The following MGAT5B variants were observed in gnomAD, a reference collection of about 807,000 sequenced individuals.
MGAT5B encodes N-acetylglucosaminyl-transferase Vb.
MGAT5B carries 54 observed loss-of-function variants against 95.1 expected under a neutral mutation model. That is an observed-to-expected ratio of 0.57 (90% CI 0.46 to 0.71). MGAT5B has a LOEUF of 0.71. MGAT5B is among the 30% of genes least tolerant of loss of function. The pLI, the probability that MGAT5B is intolerant of heterozygous loss-of-function variation, is 0.00. For missense variants in MGAT5B, 935 were observed against 1,088.6 expected, an observed-to-expected ratio of 0.86 and a Z score of 1.99; for synonymous variants, 464 against 451.0, an observed-to-expected ratio of 1.03 and a Z score of -0.36.
chr17:76,942,893 A>C (rs1407898259), intron 15 of MGAT5B, among the ~76,000 whole-genome samples: 1 of 152,026 alleles, frequency 6.6e-6, no homozygotes, highest in African/African-American at 2.4e-5. Context: ...ATCCTCTAAG[A>C]CTTCTCCTGC....
At chr17:76,872,771 T>G in intron 1 of MGAT5B, 80 bp from the exon 2 acceptor site, 1 of 1,612,282 alleles carries the variant, frequency 6.2e-7, no homozygotes, top group Non-Finnish European at 8.5e-7. Flanking sequence ...CGTAAAACAT[T>G]TGTGCAGCCG....
At chr17:76,909,879 T>G (rs1301519357) in intron 8 of MGAT5B, among the ~76,000 whole-genome samples, 2 of 152,114 alleles carry the variant, frequency 1.3e-5, no homozygotes, top group Admixed American at 6.6e-5. Flanking sequence ...ATGATTAGGC[T>G]TAGTAAAGAA....
intron 8 of MGAT5B, chr17:76,913,524 G>A (rs994910698): frequency 5.6e-6 from 2 of 354,678 alleles, no homozygotes; most frequent in South Asian, 2.1e-5. Flanking sequence ...ACTGGGTGAC[G>A]GGCCCAGGGG....
intron 3 of MGAT5B, among the ~76,000 whole-genome samples, chr17:76,896,864 G>GT (rs1490948199): frequency 6.6e-6 from 1 of 152,116 alleles, no homozygotes; most frequent in African/African-American, 2.4e-5. Flanking sequence ...GAGCAACGTG[G>GT]TTGCTGAAAA....
At chr17:76,883,121 C>T (rs886263411) in intron 3 of MGAT5B, among the ~76,000 whole-genome samples, 1 of 152,062 alleles carries the variant, frequency 6.6e-6, no homozygotes. Flanking sequence ...CCTCAGCCTC[C>T]TGAGTAGCTG....
At chr17:76,907,112 C>T (rs909281121) in intron 8 of MGAT5B, among the ~76,000 whole-genome samples, 5 of 151,284 alleles carry the variant, frequency 3.3e-5, no homozygotes, top group South Asian at 4.2e-4. Context: ...AGTGCAGTGG[C>T]GTGACCTTGG....
intron 3 of MGAT5B, among the ~76,000 whole-genome samples, chr17:76,899,220 T>C (rs1372418359): frequency 6.6e-6 from 1 of 152,158 alleles, no homozygotes; most frequent in Non-Finnish European, 1.5e-5. Context: ...GGTTAGAAGG[T>C]AGGACAGGCG....
At chr17:76,932,424 A>G (rs954196158) in intron 10 of MGAT5B, among the ~76,000 whole-genome samples, 1 of 152,076 alleles carries the variant, frequency 6.6e-6, no homozygotes, top group African/African-American at 2.4e-5. Flanking sequence ...GTGAGTCACC[A>G]TGCCAGGCCT....
intron 3 of MGAT5B, among the ~76,000 whole-genome samples, chr17:76,897,542 G>C (rs9898379): frequency 0.27 from 40,902 of 151,798 alleles, 5,932 homozygotes; most frequent in East Asian, 0.49. Flanking sequence ...TTTCCCCTGG[G>C]TGTCTGCATG....
At chr17:76,910,688 A>G (rs139551301) in intron 8 of MGAT5B, among the ~76,000 whole-genome samples, 3 of 152,358 alleles carry the variant, frequency 2.0e-5, no homozygotes, top group African/African-American at 7.2e-5. Flanking sequence ...TCTACCAAGC[A>G]AGGCTCCACT....
rs1006579253 is a variant in MGAT5B, at chr17:76,870,173, G to C, written c.68+1076G>C. Among the ~76,000 whole-genome samples the C allele has an allele frequency of 3.9e-5, 6 of 152,232 alleles. No homozygotes were observed. Among genetic ancestry groups the C allele is most frequent in the African/African-American group, 1.4e-4 (6 of 41,460 alleles). On this transcript the variant is annotated intron_variant, in intron 1 of 17. Transcript: ENST00000569840. This position sits in a 1 kb window ranked among gnomAD's most constrained non-coding sequence, Gnocchi z 5.0. ...GGCCCAGCCCCACTGTGGTCCCCCT[G>C]CCGGCTCCAGACGGGGATGGGGGCG... is the stretch of plus-strand genomic sequence containing the variant.
rs1421611126 is a variant in MGAT5B at position 76,906,571 on chromosome 17, A to G, written c.1025+384A>G. 2.0e-5 allele frequency among the ~76,000 whole-genome samples: 3 copies of G among 152,130 alleles called. No individual in the cohort carries two copies. The highest frequency in any genetic ancestry group is 4.8e-5 in the African/African-American group (2 of 41,414). ...TGAACCTGGGCTCCTTCTTGGGTCT[A>G]CTTTAGGGTCTGGAGACCAGTAAGA... On this transcript the variant is annotated intron_variant, in intron 8 of 17. Coordinates refer to ENST00000569840, the MANE Select transcript of MGAT5B (RefSeq NM_001199172.2). This position sits in a 1 kb window ranked among gnomAD's most constrained non-coding sequence, Gnocchi z 4.6.
rs1966890589 is a variant in MGAT5B at position 76,868,869 on chromosome 17, G to A, written c.-161G>A. The A allele has an allele frequency of 3.9e-6, 2 of 506,692 alleles. No individual in the cohort carries two copies. Among genetic ancestry groups the A allele is most frequent in the East Asian group, 4.0e-5 (1 of 24,922 alleles). The allele number at this position is 506,692 out of a possible 1,614,324, so 31.4% of individuals were successfully genotyped here. On this transcript the variant is annotated 5_prime_UTR_variant, in exon 1 of 18. Transcript: ENST00000569840. This position sits in a 1 kb window ranked among gnomAD's most constrained non-coding sequence, Gnocchi z 6.3. ...AGCCGCGCCGCTCCCTCCGCTGCAC[G>A]CCCAGGCCTGAGCAGCGAGGCCACC...
chr17:76,899,564 G>A (rs1406987196), intron 3 of MGAT5B, among the ~76,000 whole-genome samples: 2 of 152,198 alleles, frequency 1.3e-5, no homozygotes, highest in Admixed American at 1.3e-4. Context: ...TTGAGCCCGG[G>A]AGGTTGAGAC....
chr17:76,939,313 C>T (rs1969789363), intron 13 of MGAT5B, among the ~76,000 whole-genome samples: 1 of 151,918 alleles, frequency 6.6e-6, no homozygotes, highest in Non-Finnish European at 1.5e-5. Flanking sequence ...TCCTGGCCAA[C>T]ATGGTGAAAC....
At position 76,915,389 on chromosome 17, in the gene MGAT5B, TC is replaced by T. The variant is rs1356256431; in HGVS notation, c.1025+9203del. Among the ~76,000 whole-genome samples the T allele has an allele frequency of 6.6e-6, 1 of 152,022 alleles. No individual in the cohort carries two copies. Among genetic ancestry groups the T allele is most frequent in the East Asian group, 1.9e-4 (1 of 5,158 alleles). On this transcript the variant is annotated intron_variant, in intron 8 of 17. Transcript: ENST00000569840. The surrounding 1 kb of genome is among the most constrained non-coding windows in gnomAD (Gnocchi z 8.7). Reference sequence around the variant, plus strand: ...CTCCTCTCTGACGGTTTCTATTTTATCTTCGATGCCGGAGGGGAGAGCATTT... The same window carrying T: ...CTCCTCTCTGACGGTTTCTATTTTATTTCGATGCCGGAGGGGAGAGCATTT...
chr17:76,874,291 T>C (rs976853973), intron 2 of MGAT5B, among the ~76,000 whole-genome samples: 2 of 152,166 alleles, frequency 1.3e-5, no homozygotes, highest in East Asian at 3.9e-4. Context: ...ACTCCATCAA[T>C]ACTTAATGGA....
chr17:76,881,110 G>C (rs192397094), intron 2 of MGAT5B, among the ~76,000 whole-genome samples: 79 of 152,304 alleles, frequency 5.2e-4, no homozygotes, highest in Middle Eastern at 3.4e-3. Flanking sequence ...GGACTGTGTG[G>C]AGGGGCAATG....
rs775993737 is a variant in MGAT5B at position 76,882,138 on chromosome 17, A to C, written c.182-13A>C. ...TCGGGCCTCCCCTAACCATACCCAC[A>C]CTCTGCCCACAGTGATGGGGGGCCC... On this transcript the variant is annotated splice_polypyrimidine_tract_variant and intron_variant, in intron 2 of 17. Coordinates refer to ENST00000569840, the MANE Select transcript of MGAT5B (RefSeq NM_001199172.2). The C allele has an allele frequency of 1.2e-6, 2 of 1,603,212 alleles. No homozygotes were observed. The highest frequency in any genetic ancestry group is 1.7e-5 in the Admixed American group (1 of 59,500).
Sources: gnomAD v4.1 joint callset for allele counts (sites outside exome capture counted in the v4.1 genomes callset) on GRCh38, gnomAD v4.1.1 for gene constraint, Gnocchi (gnomAD v3.1) non-coding constraint, MANE v1.5 for transcripts, NCBI Gene and HGNC (gene_info 2026-07-23, HGNC 2026-07-21) for gene names.